XRCC4: variants seen among roughly 807,000 people sequenced by gnomAD.
XRCC4 encodes the protein DNA repair protein XRCC4.
A neutral mutation model predicts 39.1 loss-of-function variants in XRCC4; 28 were observed. The observed-to-expected ratio is 0.72, with a 90% CI of 0.53 to 0.98. The LOEUF (loss-of-function observed/expected upper bound fraction) is 0.98, where lower values mean the gene tolerates loss of function less well. XRCC4 is among the 50% of genes least tolerant of loss of function. The pLI is 0.00. For synonymous variants in XRCC4, 123 were observed against 126.4 expected (o/e 0.97, Z 0.18); for missense variants, 350 against 376.4 (o/e 0.93, Z 0.58).
At chr5:83,270,316 A>G (rs576263385) in intron 7 of XRCC4, among the ~76,000 whole-genome samples, 22 of 152,322 alleles carry the variant, frequency 1.4e-4, no homozygotes, top group Non-Finnish European at 2.8e-4. Flanking sequence ...CCACTGGTCT[A>G]TACAGCAACT....
chr5:83,334,045 G>C (rs1222295162), intron 7 of XRCC4, among the ~76,000 whole-genome samples: 1 of 152,108 alleles, frequency 6.6e-6, no homozygotes, highest in Non-Finnish European at 1.5e-5. Context: ...TGGGATTACA[G>C]GCATGAGCCA....
At chr5:83,166,355 C>G (rs1220608838) in intron 3 of XRCC4, among the ~76,000 whole-genome samples, 1 of 152,120 alleles carries the variant, frequency 6.6e-6, no homozygotes, top group Non-Finnish European at 1.5e-5. Flanking sequence ...ATTCCTGGGT[C>G]AAATGGTATT....
At chr5:83,280,800 A>G (rs561689087) in intron 7 of XRCC4, among the ~76,000 whole-genome samples, 38 of 152,328 alleles carry the variant, frequency 2.5e-4, no homozygotes, top group African/African-American at 8.9e-4. Flanking sequence ...CATCATTCAA[A>G]CCATATCAAT....
intron 6 of XRCC4, among the ~76,000 whole-genome samples, chr5:83,238,527 G>A (rs189777534): frequency 6.6e-6 from 1 of 152,086 alleles, no homozygotes; most frequent in East Asian, 1.9e-4. Context: ...TATCCTGAGC[G>A]AATTCTCTAG....
chr5:83,345,700 G>A (rs1050819236), intron 7 of XRCC4, among the ~76,000 whole-genome samples: 1 of 152,114 alleles, frequency 6.6e-6, no homozygotes, highest in Admixed American at 6.5e-5. Context: ...GGAAGCGATT[G>A]CTATTCCGGC....
rs377687242 is a variant in XRCC4, at chr5:83,270,931, G to A, written c.893+12254G>A. On this transcript the variant is annotated intron_variant, in intron 7 of 7. Coordinates refer to ENST00000396027, the MANE Select transcript of XRCC4 (RefSeq NM_003401.5). Reference sequence around the variant, plus strand: ...CTCCTAAGTAGCTAGGATCATAGGCGCCCGCCACCATGCCCAGCTAATTTT... The same window carrying A: ...CTCCTAAGTAGCTAGGATCATAGGCACCCGCCACCATGCCCAGCTAATTTT... 9.2e-5 allele frequency among the ~76,000 whole-genome samples: 14 copies of A among 151,778 alleles called. No homozygotes were observed. The South Asian group carries it at 1.7e-3, about 18-fold the overall frequency.
rs1751312053 is a variant in XRCC4, at chr5:83,203,829, G to A, written c.638+122G>A. The A allele has an allele frequency of 4.1e-6, 5 of 1,212,972 alleles. No individual in the cohort carries two copies. In the African/African-American group the frequency reaches 6.2e-5, roughly 15 times the overall value. 75.1% of individuals were successfully genotyped at this position (1,212,972 alleles called of 1,614,324 possible). A position where few individuals can be genotyped will look rare whatever the true frequency, so the allele number is the denominator to read the frequency against. On this transcript the variant is annotated intron_variant, in intron 5 of 7. Transcript: ENST00000396027. ...TATGAGATAATTTGGTAGTCTGGAT[G>A]TGGATGTTCAGGCTGTTAGATAGGG...
chr5:83,247,648 GAT>G (rs1274881583), intron 6 of XRCC4, among the ~76,000 whole-genome samples: 1 of 152,140 alleles, frequency 6.6e-6, no homozygotes, highest in Non-Finnish European at 1.5e-5. Flanking sequence ...CTGTATTCAT[GAT>G]ATGTTTTAGA....
chr5:83,257,352 A>G (rs987992760), intron 6 of XRCC4, among the ~76,000 whole-genome samples: 7 of 152,016 alleles, frequency 4.6e-5, no homozygotes, highest in Non-Finnish European at 1.0e-4. Flanking sequence ...AAGAAAAAAA[A>G]AAACCCATTA....
chr5:83,355,242 C>T (rs767418468), downstream of XRCC4, among the ~76,000 whole-genome samples: 2 of 152,100 alleles, frequency 1.3e-5, no homozygotes, highest in Non-Finnish European at 2.9e-5. Flanking sequence ...CTGAAATACC[C>T]TTTTTAGGGT....
chr5:83,165,491 T>G (rs1470912775), intron 3 of XRCC4, among the ~76,000 whole-genome samples: 1 of 152,202 alleles, frequency 6.6e-6, no homozygotes, highest in Non-Finnish European at 1.5e-5. Flanking sequence ...TTAACTTTTA[T>G]TTTAAGTTCA....
chr5:83,337,912 C>T (rs1343574392), intron 7 of XRCC4, among the ~76,000 whole-genome samples: 1 of 152,080 alleles, frequency 6.6e-6, no homozygotes, highest in Admixed American at 6.6e-5. Flanking sequence ...GACCTTCTCT[C>T]CCGGAAGAGT....
At chr5:83,242,095 A>AT (rs1277057806) in intron 6 of XRCC4, among the ~76,000 whole-genome samples, 1 of 150,964 alleles carries the variant, frequency 6.6e-6, no homozygotes, top group African/African-American at 2.4e-5. Flanking sequence ...TTAAAAAAAA[A>AT]AAATTCACGT....
intron 3 of XRCC4, among the ~76,000 whole-genome samples, chr5:83,166,951 G>A (rs912253951): frequency 6.6e-6 from 1 of 150,736 alleles, no homozygotes; most frequent in Non-Finnish European, 1.5e-5. Flanking sequence ...ACACAGTCTT[G>A]GCTCACTGCA....
intron 7 of XRCC4, among the ~76,000 whole-genome samples, chr5:83,262,855 T>TA (rs1461406570): frequency 6.7e-6 from 1 of 148,652 alleles, no homozygotes; most frequent in African/African-American, 2.6e-5. Context: ...TTTTTTTTTT[T>TA]TTTATACTTT....
At chr5:83,262,412 T>A (rs1356180112) in intron 7 of XRCC4, among the ~76,000 whole-genome samples, 1 of 152,056 alleles carries the variant, frequency 6.6e-6, no homozygotes, top group Non-Finnish European at 1.5e-5. Flanking sequence ...CTATTATATG[T>A]GGGAATGGAT....
intron 3 of XRCC4, among the ~76,000 whole-genome samples, chr5:83,170,294 T>C (rs1469388151): frequency 6.6e-6 from 1 of 152,220 alleles, no homozygotes; most frequent in African/African-American, 2.4e-5. Flanking sequence ...TAAAATTTTA[T>C]ATAACACCAG....
intron 3 of XRCC4, among the ~76,000 whole-genome samples, chr5:83,159,629 G>A (rs983023273): frequency 5.3e-5 from 8 of 152,062 alleles, no homozygotes; most frequent in East Asian, 3.9e-4. Flanking sequence ...GGAAAATATC[G>A]GAATTATTCT....
intron 6 of XRCC4, among the ~76,000 whole-genome samples, chr5:83,213,859 C>T (rs1751746114): frequency 6.6e-6 from 1 of 152,148 alleles, no homozygotes; most frequent in Non-Finnish European, 1.5e-5. Context: ...AAGAATTATA[C>T]ACTATGACCA....
Sources: allele counts gnomAD v4.1 joint callset (sites outside exome capture counted in the v4.1 genomes callset), GRCh38; gene constraint gnomAD v4.1.1; transcripts MANE v1.5; gene names NCBI Gene and HGNC (gene_info 2026-07-23, HGNC 2026-07-21).